The following FRMD4A variants were observed in gnomAD, a reference collection of about 807,000 sequenced individuals.
The protein encoded by FRMD4A is FERM domain containing 4A.
A neutral mutation model predicts 129.1 loss-of-function variants in FRMD4A; 29 were observed. The ratio of observed to expected loss-of-function variants is 0.22; its 90% confidence interval spans 0.17 to 0.31. The LOEUF (loss-of-function observed/expected upper bound fraction) is 0.31. Among genes scored for constraint, FRMD4A ranks in the 10% least tolerant of loss-of-function variants. The probability of loss-of-function intolerance (pLI) is 1.00; values close to 1 mark genes in which losing one functional copy is unlikely to be tolerated. For synonymous variants in FRMD4A, 634 were observed against 571.6 expected (o/e 1.11, Z -1.56); for missense variants, 1,272 against 1,375.8 (o/e 0.92, Z 1.19).
rs1453144057 is a variant in FRMD4A, at chr10:14,019,485, G to A, written c.46-160573C>T. Among the ~76,000 whole-genome samples the A allele has an allele frequency of 2.0e-5, 3 of 152,202 alleles. No individual in the cohort carries two copies. In the East Asian group the frequency reaches 5.8e-4, roughly 29 times the overall value. Reference sequence around the variant, plus strand: ...ACTGAATTTTGATTTAAGCTGTGATGCCAATATATTCAGTAGACAGAGGGG... The same window carrying A: ...ACTGAATTTTGATTTAAGCTGTGATACCAATATATTCAGTAGACAGAGGGG... On this transcript the variant is annotated intron_variant, in intron 2 of 24. Transcript: ENST00000357447.
chr10:14,080,323 T>C (rs1022266581), intron 2 of FRMD4A, among the ~76,000 whole-genome samples: 2 of 152,130 alleles, frequency 1.3e-5, no homozygotes, highest in African/African-American at 4.8e-5. Flanking sequence ...TGAAGGTCTT[T>C]ATGATGTTCT....
chr10:14,230,573 A>G (rs1843604519), intron 2 of FRMD4A, among the ~76,000 whole-genome samples: 1 of 152,222 alleles, frequency 6.6e-6, no homozygotes, highest in African/African-American at 2.4e-5. Flanking sequence ...AGGAGCTATC[A>G]TTGGTACTCT....
intron 3 of FRMD4A, among the ~76,000 whole-genome samples, chr10:13,814,001 T>G (rs1403066617): frequency 6.6e-6 from 1 of 152,216 alleles, no homozygotes. Flanking sequence ...TTTTTGATAA[T>G]CTTTTGGGTT....
intron 2 of FRMD4A, among the ~76,000 whole-genome samples, chr10:14,222,958 C>T (rs1843312210): frequency 6.6e-6 from 1 of 152,160 alleles, no homozygotes; most frequent in African/African-American, 2.4e-5. Context: ...CATAGTGGCT[C>T]ATGCCTATAA....
intron 6 of FRMD4A, among the ~76,000 whole-genome samples, chr10:13,775,593 A>G (rs1212895812): frequency 2.0e-5 from 3 of 152,178 alleles, no homozygotes; most frequent in Admixed American, 2.0e-4. Flanking sequence ...AAAACAAAAA[A>G]CAGGAAGACT....
chr10:14,238,708 G>A (rs763651365), intron 2 of FRMD4A, among the ~76,000 whole-genome samples: 54 of 151,804 alleles, frequency 3.6e-4, no homozygotes, highest in Non-Finnish European at 6.6e-4. Flanking sequence ...TACAGGCCCC[G>A]GTGTGTGATG....
At chr10:14,058,439 A>G (rs1010811165) in intron 2 of FRMD4A, among the ~76,000 whole-genome samples, 1 of 152,214 alleles carries the variant, frequency 6.6e-6, no homozygotes, top group Non-Finnish European at 1.5e-5. Flanking sequence ...CTGGCAGGCA[A>G]TGGGAGAGTC....
chr10:13,921,277 T>TCTCTTTCTCTCTTTCTTTCTTTCTTTCC (rs59184871), intron 2 of FRMD4A, among the ~76,000 whole-genome samples: 1 of 127,606 alleles, frequency 7.8e-6, no homozygotes, highest in African/African-American at 2.6e-5. Context: ...TCTCTCTTTC[T>TCTCTTTCTCTCTTTCTTTCTTTCTTTCC]TTCTTGACAG....
chr10:13,747,107 AC>A (rs1382399310), intron 9 of FRMD4A, among the ~76,000 whole-genome samples: 1 of 152,080 alleles, frequency 6.6e-6, no homozygotes, highest in African/African-American at 2.4e-5. Flanking sequence ...CTCTAGCAGC[AC>A]ATGAAAGGCT....
intron 2 of FRMD4A, among the ~76,000 whole-genome samples, chr10:13,891,949 C>A (rs574663933): frequency 4.0e-4 from 60 of 149,602 alleles, no homozygotes; most frequent in African/African-American, 1.4e-3. Context: ...GCTGCTAGGT[C>A]GGGTGCTAGG....
chr10:14,044,316 C>G (rs1833899345), intron 2 of FRMD4A, among the ~76,000 whole-genome samples: 1 of 152,186 alleles, frequency 6.6e-6, no homozygotes, highest in Admixed American at 6.5e-5. Context: ...TTTTCCTTCT[C>G]TAATTCTTTC....
chr10:14,171,285 C>T (rs1841463894), intron 2 of FRMD4A, among the ~76,000 whole-genome samples: 1 of 152,152 alleles, frequency 6.6e-6, no homozygotes, highest in Non-Finnish European at 1.5e-5. Flanking sequence ...ATCCTGAGAC[C>T]TGTGTCAGGG....
At chr10:13,936,775 A>G (rs2095252418) in intron 2 of FRMD4A, among the ~76,000 whole-genome samples, 1 of 152,232 alleles carries the variant, frequency 6.6e-6, no homozygotes, top group African/African-American at 2.4e-5. Flanking sequence ...TTGCAAATGA[A>G]GGGGTGAGCC....
At chr10:13,980,331 A>T (rs182223114) in intron 2 of FRMD4A, among the ~76,000 whole-genome samples, 93 of 152,358 alleles carry the variant, frequency 6.1e-4, no homozygotes, top group Middle Eastern at 6.8e-3. Flanking sequence ...TCCGCATTCC[A>T]GCATGACTGT....
At chr10:13,856,524 G>A (rs181908560) in intron 3 of FRMD4A, among the ~76,000 whole-genome samples, 9 of 152,114 alleles carry the variant, frequency 5.9e-5, no homozygotes, top group East Asian at 5.8e-4. Flanking sequence ...AGAAAGAAAC[G>A]CAGTACAGAC....
At chr10:13,954,326 C>T (rs761339449) in intron 2 of FRMD4A, among the ~76,000 whole-genome samples, 1 of 152,164 alleles carries the variant, frequency 6.6e-6, no homozygotes, top group Non-Finnish European at 1.5e-5. Context: ...GGAGGCCTCA[C>T]AATCATGGTG....
intron 2 of FRMD4A, among the ~76,000 whole-genome samples, chr10:14,235,581 G>C (rs1046157260): frequency 6.6e-6 from 1 of 152,090 alleles, no homozygotes; most frequent in African/African-American, 2.4e-5. Context: ...ACTTCAATGG[G>C]GTGTTTGTTA....
intron 2 of FRMD4A, among the ~76,000 whole-genome samples, chr10:14,305,824 C>T (rs540473494): frequency 1.8e-4 from 28 of 152,190 alleles, no homozygotes; most frequent in African/African-American, 6.5e-4. Flanking sequence ...GTATCCTTTG[C>T]GAGGACATGG....
At chr10:14,269,479 G>A (rs1271883278) in intron 2 of FRMD4A, among the ~76,000 whole-genome samples, 1 of 152,094 alleles carries the variant, frequency 6.6e-6, no homozygotes, top group African/African-American at 2.4e-5. Flanking sequence ...CCAGCTTCTA[G>A]AGGCCCCTGC....
Sources: allele counts gnomAD v4.1 joint callset (sites outside exome capture counted in the v4.1 genomes callset), GRCh38; gene constraint gnomAD v4.1.1; transcripts MANE v1.5; gene names NCBI Gene and HGNC (gene_info 2026-07-23, HGNC 2026-07-21).